MSTO1: variants seen among roughly 807,000 people sequenced by gnomAD.
MSTO1 encodes protein misato homolog 1.
A neutral mutation model predicts 55.7 loss-of-function variants in MSTO1; 24 were observed. That is an observed-to-expected ratio of 0.43 (90% CI 0.31 to 0.61). The LOEUF (loss-of-function observed/expected upper bound fraction) is 0.61. Ranked by LOEUF, MSTO1 falls within the 20% of genes least tolerant of loss-of-function variation. The pLI is 0.09. For missense variants in MSTO1, 363 were observed against 625.7 expected, an observed-to-expected ratio of 0.58 and a Z score of 4.48; for synonymous variants, 162 against 252.8, an observed-to-expected ratio of 0.64 and a Z score of 3.41.
Position 155,612,931 on chromosome 1 carries a change from T to C in MSTO1, c.1054T>C (p.Ser352Pro), listed in dbSNP as rs1217972304. ...VPYRLCSSPVSMVHLADMLSF... is the reference protein window; with the variant it reads ...VPYRLCSSPVPMVHLADMLSF... ...TTATCGCCTGTGTTCCTCTCCAGTT[T>C]CCATGGTTCATCTGGCTGACATGCT... The change falls in exon 10 of 14, where the codon TCC becomes CCC. Residue 352 changes from serine to proline, a missense_variant. Transcript: ENST00000245564. 12 of 1,613,840 alleles carry C rather than the reference T, an allele frequency of 7.4e-6. No homozygotes were observed. The highest frequency in any genetic ancestry group is 1.0e-5 in the Non-Finnish European group (12 of 1,179,848).
At chr1:155,598,127 T>C in the MSTO1 span, among the ~76,000 whole-genome samples, 1 of 150,594 alleles carries the variant, frequency 6.6e-6, no homozygotes, top group Non-Finnish European at 1.5e-5. Context: ...CAGAATTTCT[T>C]TTTTTTTTAG....
chr1:155,594,335 A>G, the MSTO1 span, among the ~76,000 whole-genome samples: 1 of 152,034 alleles, frequency 6.6e-6, no homozygotes, highest in Non-Finnish European at 1.5e-5. Context: ...TGGGAGAGGG[A>G]GGTTGCAGTG....
At chr1:155,608,801 C>CT (rs1334237202), upstream of MSTO1, among the ~76,000 whole-genome samples, 1 of 151,406 alleles carries the variant, frequency 6.6e-6, no homozygotes, top group Non-Finnish European at 1.5e-5. Flanking sequence ...GGCGCCCGGC[C>CT]TTTTTTATTT....
chr1:155,586,571 A>G, the MSTO1 span: 6 of 376,762 alleles, frequency 1.6e-5, no homozygotes, highest in Admixed American at 1.9e-4. Flanking sequence ...TTATTAACCC[A>G]TAATAATCCA....
the MSTO1 span, among the ~76,000 whole-genome samples, chr1:155,575,601 C>G: frequency 6.6e-6 from 1 of 151,806 alleles, no homozygotes; most frequent in African/African-American, 2.4e-5. Context: ...CGCCACCGCA[C>G]CTGGCTAATT....
chr1:155,586,646 T>A, the MSTO1 span: 6 of 488,222 alleles, frequency 1.2e-5, no homozygotes, highest in African/African-American at 2.0e-5. Context: ...TTTTTTTTTT[T>A]AAGAGTACAA....
upstream of MSTO1, among the ~76,000 whole-genome samples, chr1:155,606,212 T>A (rs1302436304): frequency 3.8e-4 from 50 of 130,370 alleles, 1 homozygote; most frequent in African/African-American, 1.4e-3. Context: ...TTTTTTTTTT[T>A]TTTTTTTTTT....
chr1:155,594,263 G>A, the MSTO1 span, among the ~76,000 whole-genome samples: 89 of 152,004 alleles, frequency 5.9e-4, no homozygotes, highest in African/African-American at 2.0e-3. Flanking sequence ...TTAGCCAGGC[G>A]TGGTGGCAGG....
the MSTO1 span, among the ~76,000 whole-genome samples, chr1:155,573,368 A>C: frequency 6.6e-6 from 1 of 151,954 alleles, no homozygotes; most frequent in Non-Finnish European, 1.5e-5. Context: ...TTTGAGAGCA[A>C]CCTGGGCAAC....
chr1:155,603,714 T>TGGGCACGGTGGC, the MSTO1 span, among the ~76,000 whole-genome samples: 7 of 151,864 alleles, frequency 4.6e-5, no homozygotes, highest in African/African-American at 1.7e-4. Context: ...AAAAACTAGC[T>TGGGCACGGTGGC]GGGCACGGTG....
the MSTO1 span, among the ~76,000 whole-genome samples, chr1:155,582,756 G>T: frequency 6.6e-6 from 1 of 152,130 alleles, no homozygotes; most frequent in Non-Finnish European, 1.5e-5. Flanking sequence ...ACCGCGCCCG[G>T]CCGGCTTATA....
chr1:155,603,982 A>G, the MSTO1 span, among the ~76,000 whole-genome samples: 1 of 152,236 alleles, frequency 6.6e-6, no homozygotes, highest in Non-Finnish European at 1.5e-5. Flanking sequence ...ACCCAGGAAG[A>G]CAGAGAGAAA....
the MSTO1 span, among the ~76,000 whole-genome samples, chr1:155,580,348 A>C: frequency 6.6e-6 from 1 of 151,940 alleles, no homozygotes; most frequent in Non-Finnish European, 1.5e-5. Flanking sequence ...CAACATAGTA[A>C]GACCCTGCCC....
At chr1:155,602,303 C>G in the MSTO1 span, 1 of 282,238 alleles carries the variant, frequency 3.5e-6, no homozygotes, top group Non-Finnish European at 7.0e-6. Context: ...ATGGAGAAAC[C>G]CTGTCTCTAC....
At chr1:155,588,099 C>T in the MSTO1 span, among the ~76,000 whole-genome samples, 3 of 151,354 alleles carry the variant, frequency 2.0e-5, no homozygotes, top group African/African-American at 4.9e-5. Context: ...ATCTCAGCTA[C>T]TCGGGAGGCT....
chr1:155,578,841 T>C, the MSTO1 span, among the ~76,000 whole-genome samples: 30 of 148,360 alleles, frequency 2.0e-4, no homozygotes, highest in East Asian at 8.2e-4. Flanking sequence ...TTTTTTTTTT[T>C]CAGTAGAGAC....
At chr1:155,586,635 C>CTTT in the MSTO1 span, 9 of 406,782 alleles carry the variant, frequency 2.2e-5, no homozygotes, top group East Asian at 6.4e-5. Context: ...TTACCTTTCA[C>CTTT]TTTTTTTTTT....
At chr1:155,590,058 G>A in the MSTO1 span, among the ~76,000 whole-genome samples, 6 of 151,880 alleles carry the variant, frequency 4.0e-5, no homozygotes, top group African/African-American at 1.5e-4. Flanking sequence ...TGGGGGCGGG[G>A]GTCTACATAG....
chr1:155,594,797 C>T, the MSTO1 span, among the ~76,000 whole-genome samples: 1 of 151,916 alleles, frequency 6.6e-6, no homozygotes, highest in African/African-American at 2.4e-5. Context: ...ATTTGGTAAG[C>T]TGAAAGACTA....
Sources: allele counts gnomAD v4.1 joint callset (sites outside exome capture counted in the v4.1 genomes callset), GRCh38; gene constraint gnomAD v4.1.1; transcripts MANE v1.5; gene names NCBI Gene and HGNC (gene_info 2026-07-23, HGNC 2026-07-21).